The following FNDC3B variants were observed in gnomAD, a reference collection of about 807,000 sequenced individuals.
The protein encoded by FNDC3B is fibronectin type III domain-containing protein 3B.
In FNDC3B, 12 loss-of-function variants were observed where a neutral mutation model predicts 151.5. The ratio of observed to expected loss-of-function variants is 0.08; its 90% CI spans 0.05 to 0.13. The LOEUF is 0.13. FNDC3B is among the 10% of genes least tolerant of loss of function. The pLI is 1.00. For synonymous variants in FNDC3B, 528 were observed against 549.0 expected (o/e 0.96, Z 0.54); for missense variants, 1,214 against 1,505.3 (o/e 0.81, Z 3.20).
intron 3 of FNDC3B, among the ~76,000 whole-genome samples, chr3:172,187,593 A>G (rs1724257107): frequency 6.6e-6 from 1 of 152,228 alleles, no homozygotes; most frequent in South Asian, 2.1e-4. Flanking sequence ...AACCAACTTC[A>G]ATGAAGTGTA....
At chr3:172,233,900 A>G (rs537871060) in intron 4 of FNDC3B, among the ~76,000 whole-genome samples, 1 of 152,344 alleles carries the variant, frequency 6.6e-6, no homozygotes, top group South Asian at 2.1e-4. Context: ...TTCCATGGAA[A>G]ACAGCATAGT....
intron 1 of FNDC3B, among the ~76,000 whole-genome samples, chr3:172,092,582 T>C (rs963217370): frequency 6.6e-6 from 1 of 152,196 alleles, no homozygotes; most frequent in African/African-American, 2.4e-5. Context: ...CCTCCTTTCA[T>C]GCATGAGGAT....
chr3:172,127,266 C>T (rs1456327743), intron 2 of FNDC3B, among the ~76,000 whole-genome samples: 1 of 152,200 alleles, frequency 6.6e-6, no homozygotes, highest in Non-Finnish European at 1.5e-5. Flanking sequence ...GGGGATGTTC[C>T]TTTGACCCAG....
At chr3:172,305,766 A>G (rs1437325408) in intron 9 of FNDC3B, among the ~76,000 whole-genome samples, 1 of 152,210 alleles carries the variant, frequency 6.6e-6, no homozygotes, top group East Asian at 1.9e-4. Context: ...TGTGTATCAA[A>G]GTTCAGGCTT....
At chr3:172,285,469 T>G (rs1485579988) in intron 6 of FNDC3B, among the ~76,000 whole-genome samples, 4 of 152,226 alleles carry the variant, frequency 2.6e-5, no homozygotes, top group Non-Finnish European at 4.4e-5. Flanking sequence ...ACATGTGAAC[T>G]TAAGTAAACA....
chr3:172,096,992 C>T (rs1336365887), intron 1 of FNDC3B, among the ~76,000 whole-genome samples: 1 of 152,182 alleles, frequency 6.6e-6, no homozygotes, highest in African/African-American at 2.4e-5. Context: ...CCACCCTGTA[C>T]TTTTCAAGCA....
At chr3:172,102,739 G>C (rs1263277395) in intron 1 of FNDC3B, among the ~76,000 whole-genome samples, 1 of 152,104 alleles carries the variant, frequency 6.6e-6, no homozygotes, top group Non-Finnish European at 1.5e-5. Flanking sequence ...TGGGGAGGAG[G>C]AGCATGTGTT....
At chr3:172,232,910 C>T (rs1032190266) in intron 4 of FNDC3B, among the ~76,000 whole-genome samples, 1 of 152,298 alleles carries the variant, frequency 6.6e-6, no homozygotes, top group East Asian at 1.9e-4. Context: ...GTGTGGCACT[C>T]AGTAAGTAGT....
intron 11 of FNDC3B, among the ~76,000 whole-genome samples, chr3:172,325,683 TAGAC>T (rs951215683): frequency 1.1e-4 from 16 of 151,956 alleles, no homozygotes; most frequent in African/African-American, 3.9e-4. Flanking sequence ...CCTGGCGCAG[TAGAC>T]AGACCAGCAC....
At chr3:172,199,856 C>T (rs991960859) in intron 3 of FNDC3B, among the ~76,000 whole-genome samples, 3 of 152,060 alleles carry the variant, frequency 2.0e-5, no homozygotes, top group African/African-American at 4.8e-5. Context: ...TAAATGTTTG[C>T]GAAGTGAAAA....
intron 25 of FNDC3B, among the ~76,000 whole-genome samples, chr3:172,395,471 A>G (rs1429207141): frequency 6.6e-6 from 1 of 152,204 alleles, no homozygotes; most frequent in African/African-American, 2.4e-5. Flanking sequence ...AAGCCTCTTG[A>G]TGATTATGTT....
In FNDC3B at chr3:172,288,790, G is replaced by A. The variant is rs564039775; in HGVS notation, c.849+2806G>A. Among the ~76,000 whole-genome samples the A allele has an allele frequency of 3.9e-5, 6 of 152,298 alleles. No individual in the cohort carries two copies. The South Asian group carries it at 8.3e-4, about 21-fold the overall frequency. The stretch of plus-strand genomic sequence containing the variant: ...GAAAATCACCTGATAGGAAGTGGGC[G>A]TCTCTGGACACAGTTGCTTTGCCAA... On this transcript the variant is annotated intron_variant, in intron 7 of 25. Coordinates refer to ENST00000415807, the MANE Select transcript of FNDC3B (RefSeq NM_022763.4).
At chr3:172,168,592 T>G (rs1224095194) in intron 3 of FNDC3B, among the ~76,000 whole-genome samples, 1 of 152,226 alleles carries the variant, frequency 6.6e-6, no homozygotes, top group Non-Finnish European at 1.5e-5. Flanking sequence ...TAAATTATAT[T>G]TAATAACTGA....
intron 11 of FNDC3B, among the ~76,000 whole-genome samples, chr3:172,326,957 G>T (rs1460574682): frequency 6.6e-6 from 1 of 152,124 alleles, no homozygotes; most frequent in Non-Finnish European, 1.5e-5. Flanking sequence ...GGCCTTTCTT[G>T]CACTGCTTAC....
chr3:172,333,034 A>G, intron 13 of FNDC3B, 55 bp from the exon 14 acceptor site: 2 of 1,124,894 alleles, frequency 1.8e-6, no homozygotes, highest in Non-Finnish European at 2.7e-6. Flanking sequence ...ATTCAAAGGT[A>G]TTTAATGCCC....
At chr3:172,198,230 CT>C (rs11357548) in intron 3 of FNDC3B, among the ~76,000 whole-genome samples, 152,178 of 152,178 alleles carry the variant, frequency 1, 76,089 homozygotes, top group Non-Finnish European at 1. Context: ...GTCCTGGCTT[CT>C]TTTTTAATAG....
intron 16 of FNDC3B, among the ~76,000 whole-genome samples, chr3:172,339,951 T>C (rs1318293554): frequency 6.6e-6 from 1 of 152,224 alleles, no homozygotes; most frequent in Non-Finnish European, 1.5e-5. Context: ...CTGGGGGAAT[T>C]TGTGGAAGTT....
At chr3:172,322,741 G>A (rs191334068) in intron 11 of FNDC3B, among the ~76,000 whole-genome samples, 374 of 152,096 alleles carry the variant, frequency 2.5e-3, no homozygotes, top group African/African-American at 8.6e-3. Context: ...CAGGGAGAGT[G>A]GGGGCAAATG....
rs571140016 is a variant in FNDC3B at position 172,052,088 on chromosome 3, C to CTT, written c.-29+12330_-29+12331dup. ...AAAAATAATCTTTGTCTGTCTTCTT[C>CTT]TTTTTTTTTTTTTTGAGACAGGGTC... On this transcript the variant is annotated intron_variant, in intron 1 of 25. Transcript: ENST00000415807. 2.0e-4 allele frequency among the ~76,000 whole-genome samples: 29 copies of CTT among 141,788 alleles called. No individual in the cohort carries two copies. In the South Asian group the frequency reaches 4.9e-3, roughly 24 times the overall value. The allele number at this position is 141,788 out of a possible 152,430, so 93.0% of individuals were successfully genotyped here.
Sources: gnomAD v4.1 joint callset for allele counts (sites outside exome capture counted in the v4.1 genomes callset) on GRCh38, gnomAD v4.1.1 for gene constraint, MANE v1.5 for transcripts, NCBI Gene and HGNC (gene_info 2026-07-23, HGNC 2026-07-21) for gene names.